TMEM231: variants seen among roughly 807,000 people sequenced by gnomAD.
TMEM231 encodes transmembrane protein 231.
Under a neutral mutation model 38.5 loss-of-function variants are expected in TMEM231, and 40 were observed. The ratio of observed to expected loss-of-function variants is 1.04; its 90% CI spans 0.81 to 1.35. The LOEUF is 1.35. Ranked by LOEUF, TMEM231 falls within the 40% of genes most tolerant of loss-of-function variation. TMEM231 has a pLI of 0.00. For missense variants in TMEM231, 420 were observed against 416.9 expected (o/e 1.01, Z -0.07); for synonymous variants, 199 against 181.7 (o/e 1.10, Z -0.77).
chr16:75,542,709 G>A (rs754102390), intron 4 of TMEM231, 26 bp from the exon 5 acceptor site: 3 of 1,609,340 alleles, frequency 1.9e-6, no homozygotes, highest in Non-Finnish European at 2.6e-6. Context: ...AGGATGTGGT[G>A]TGAGCACCTG....
Position 75,541,474 on chromosome 16 carries a change from C to T in TMEM231, c.665-19G>A, listed in dbSNP as rs200581224. The T allele has an allele frequency of 7.1e-6, 11 of 1,542,162 alleles. No individual in the cohort carries two copies. Among genetic ancestry groups the T allele is most frequent in the Middle Eastern group, 1.7e-4 (1 of 5,890 alleles). On this transcript the variant is annotated intron_variant, in intron 5 of 6. Coordinates refer to ENST00000258173, the MANE Select transcript of TMEM231 (RefSeq NM_001077418.3). ...GTGGTAACTGCAATGCAATCATTAA[C>T]CATTAACCACGATGGCTGTTTGACT...
chr16:75,551,365 T>G (rs2080758883), intron 2 of TMEM231, among the ~76,000 whole-genome samples: 1 of 152,126 alleles, frequency 6.6e-6, no homozygotes, highest in Non-Finnish European at 1.5e-5. Flanking sequence ...CCCTGGCTAA[T>G]TTTTAAATTT....
At position 75,552,882 on chromosome 16, in the gene TMEM231, C is replaced by T. The variant is rs530851725; in HGVS notation, c.309+2922G>A. On this transcript the variant is annotated intron_variant, in intron 2 of 6. Transcript: ENST00000258173. Reference sequence around the variant, plus strand: ...GTACTCTCCACTCATCCTCTGGAATCCTTCTATAACCTTCAGTCCCTGTAT... The same window carrying T: ...GTACTCTCCACTCATCCTCTGGAATTCTTCTATAACCTTCAGTCCCTGTAT... Among the ~76,000 whole-genome samples, 213 of 152,278 alleles carry T rather than the reference C, an allele frequency of 1.4e-3. 1 individual carries two copies. The highest frequency in any genetic ancestry group is 4.9e-3 in the African/African-American group (203 of 41,554).
At chr16:75,543,202 T>C (rs545697058) in intron 4 of TMEM231, among the ~76,000 whole-genome samples, 2 of 151,514 alleles carry the variant, frequency 1.3e-5, no homozygotes, top group African/African-American at 2.4e-5. Context: ...TCAATGATGA[T>C]CATGCCACTC....
intron 2 of TMEM231, 115 bp downstream of exon 2, chr16:75,555,689 T>A (rs533371180): frequency 8.7e-7 from 1 of 1,155,282 alleles, no homozygotes; most frequent in Non-Finnish European, 1.2e-6. Context: ...TCGCGAGTCC[T>A]TAGGATCAAA....
At position 75,556,071 on chromosome 16, in the gene TMEM231, C is replaced by T. The variant is rs373488530; in HGVS notation, c.139G>A (p.Gly47Arg). ...PPLLVAFRSHGFWLKRSSYEE... is the reference protein window; with the variant it reads ...PPLLVAFRSHRFWLKRSSYEE... Reference sequence around the variant, plus strand: ...GGCACAGCGGCCGGGGCAGGCTCACCGTGGCTCCGGAAGGCCACCAGCAGC... The same window carrying T: ...GGCACAGCGGCCGGGGCAGGCTCACTGTGGCTCCGGAAGGCCACCAGCAGC... Residue 47 changes from glycine (G) to arginine (R), a missense_variant and splice_region_variant, in exon 1 of 7, where the codon GGG (glycine) becomes AGG (arginine). By Grantham distance (125) the Gly-to-Arg change is moderately radical. Transcript: ENST00000258173. 6.4e-7 allele frequency: 1 copy of T among 1,566,144 alleles called. No homozygotes were observed. The highest frequency in any genetic ancestry group is 8.6e-7 in the Non-Finnish European group (1 of 1,156,470).
chr16:75,546,078 C>G, intron 2 of TMEM231, 124 bp from the exon 3 acceptor site: 3 of 1,547,890 alleles, frequency 1.9e-6, no homozygotes, highest in Non-Finnish European at 2.6e-6. Flanking sequence ...ATCTCCTCCA[C>G]TAAAAGAGAA....
Position 75,539,598 on chromosome 16 carries a change from G to C in TMEM231, c.*396C>G, listed in dbSNP as rs1333453514. The C allele has an allele frequency of 6.4e-6, 1 of 157,088 alleles. No homozygotes were observed. The highest frequency in any genetic ancestry group is 2.4e-5 in the African/African-American group (1 of 41,556). 9.7% of individuals were successfully genotyped at this position (157,088 alleles called of 1,614,324 possible). A position where few individuals can be genotyped will look rare whatever the true frequency, so the allele number is the denominator to read the frequency against. ...CAAGAGAGCCCTGAAAAGAGTAAGAGTGGCTCACAACAGAAGGTAGAAATG... is the reference window on the plus strand; with the variant it reads ...CAAGAGAGCCCTGAAAAGAGTAAGACTGGCTCACAACAGAAGGTAGAAATG... On this transcript the variant is annotated 3_prime_UTR_variant, in exon 7 of 7. Coordinates refer to ENST00000258173, the MANE Select transcript of TMEM231 (RefSeq NM_001077418.3).
Position 75,545,385 on chromosome 16 carries a change from C to A in TMEM231, c.549G>T (p.Pro183=). The change falls in exon 4 of 7, where the codon CCG becomes CCT. Residue 183 remains proline (P), a synonymous_variant. Transcript: ENST00000258173. ...GGGCATCTAGGCCACCACAGCTCAG[C>A]GGCTGCTTCTGCTGCAGCCTCAGGT... ...NGDLRLQQKQ[P]LSCGGLDARY... is the part of the protein sequence containing the mutation. The A allele has an allele frequency of 1.2e-6, 2 of 1,612,622 alleles. No individual in the cohort carries two copies. Among genetic ancestry groups the A allele is most frequent in the Middle Eastern group, 1.7e-4 (1 of 6,054 alleles).
chr16:75,554,781 T>A (rs2080793957), intron 2 of TMEM231: 1 of 152,186 alleles, frequency 6.6e-6, no homozygotes, highest in African/African-American at 2.4e-5. Flanking sequence ...TATAAAGTAA[T>A]AGGAGAAAAG....
chr16:75,541,687 T>A (rs1222936766), intron 5 of TMEM231: 2 of 309,486 alleles, frequency 6.5e-6, no homozygotes, highest in African/African-American at 4.3e-5. Flanking sequence ...TTCTTCTACA[T>A]GTGCTGAATG....
chr16:75,548,853 G>A (rs1015253089), intron 2 of TMEM231, among the ~76,000 whole-genome samples: 147 of 152,304 alleles, frequency 9.7e-4, no homozygotes, highest in African/African-American at 3.4e-3. Flanking sequence ...TGGTGACAGA[G>A]CAAGACTCTA....
rs1485216317 is a variant in TMEM231, at chr16:75,556,002, G to A, written c.140-29C>T. ...AGTTAAAGAGGGCGGTAGGGAGGCGGTTAGGGAGGCCGGCCCTGGCCGAGC... is the reference window on the plus strand; with the variant it reads ...AGTTAAAGAGGGCGGTAGGGAGGCGATTAGGGAGGCCGGCCCTGGCCGAGC... On this transcript the variant is annotated intron_variant, in intron 1 of 6. Coordinates refer to ENST00000258173, the MANE Select transcript of TMEM231 (RefSeq NM_001077418.3). 4 of 1,586,774 alleles carry A rather than the reference G, an allele frequency of 2.5e-6. No individual in the cohort carries two copies. Among genetic ancestry groups the A allele is most frequent in the African/African-American group, 1.3e-5 (1 of 74,124 alleles).
intron 2 of TMEM231, among the ~76,000 whole-genome samples, chr16:75,546,544 G>C (rs189286122): frequency 1.0e-3 from 154 of 152,194 alleles, no homozygotes; most frequent in Middle Eastern, 3.4e-3. Context: ...CCAGGGTCAA[G>C]GAATTGTCCT....
At chr16:75,550,653 G>A (rs2080748218) in intron 2 of TMEM231, among the ~76,000 whole-genome samples, 1 of 151,728 alleles carries the variant, frequency 6.6e-6, no homozygotes, top group South Asian at 2.1e-4. Context: ...GCATCTGACG[G>A]TTTGTTGGAA....
intron 5 of TMEM231, chr16:75,541,691 C>A: frequency 3.3e-6 from 1 of 302,788 alleles, no homozygotes; most frequent in Non-Finnish European, 6.1e-6. Flanking sequence ...TCTACATGTG[C>A]TGAATGGCTA....
At chr16:75,553,635 A>C (rs529727747) in intron 2 of TMEM231, among the ~76,000 whole-genome samples, 1 of 151,698 alleles carries the variant, frequency 6.6e-6, no homozygotes, top group Admixed American at 6.6e-5. Context: ...AAAAAAAAAA[A>C]AAAAGAAAAG....
chr16:75,556,017 C>A, intron 1 of TMEM231, 44 bp from the exon 2 acceptor site: 1 of 1,574,128 alleles, frequency 6.4e-7, no homozygotes, highest in Non-Finnish European at 8.6e-7. Flanking sequence ...GGAGGCCGGC[C>A]CTGGCCGAGC....
intron 2 of TMEM231, among the ~76,000 whole-genome samples, chr16:75,549,980 AT>A (rs1477583329): frequency 2.0e-5 from 3 of 152,214 alleles, no homozygotes; most frequent in Admixed American, 1.3e-4. Flanking sequence ...AAGTGCTGGG[AT>A]TACAGGCATG....
Sources: allele counts gnomAD v4.1 joint callset (sites outside exome capture counted in the v4.1 genomes callset), GRCh38; gene constraint gnomAD v4.1.1; transcripts MANE v1.5; gene names NCBI Gene and HGNC (gene_info 2026-07-23, HGNC 2026-07-21).